LAMA4: variants seen among roughly 807,000 people sequenced by gnomAD.
The protein encoded by LAMA4 is laminin subunit alpha 4.
In LAMA4, 127 loss-of-function variants were observed where a neutral mutation model predicts 207.1. The observed-to-expected ratio is 0.61, with a 90% confidence interval of 0.53 to 0.71. The LOEUF is 0.71. LAMA4 is among the 30% of genes least tolerant of loss of function. The pLI is 0.00. For synonymous variants in LAMA4, 761 were observed against 816.0 expected (o/e 0.93, Z 1.15); for missense variants, 2,093 against 2,246.5 (o/e 0.93, Z 1.38).
chr6:112,224,511 T>G (rs1554361745), intron 2 of LAMA4, among the ~76,000 whole-genome samples: 2 of 152,176 alleles, frequency 1.3e-5, no homozygotes, highest in Non-Finnish European at 1.5e-5. Context: ...AAAGATGGAA[T>G]TCCAGTACTT....
chr6:112,144,956 A>G (rs782090758), intron 18 of LAMA4, 23 bp from the exon 19 acceptor site: 4 of 1,587,310 alleles, frequency 2.5e-6, no homozygotes, highest in African/African-American at 1.4e-5. Flanking sequence ...AAAATTAATC[A>G]TTTAAGAAAA....
At chr6:112,248,277 G>A (rs1287302841) in intron 2 of LAMA4, among the ~76,000 whole-genome samples, 1 of 152,054 alleles carries the variant, frequency 6.6e-6, no homozygotes, top group Non-Finnish European at 1.5e-5. Context: ...GAGGCAGGCA[G>A]ATCACAAGGT....
intron 6 of LAMA4, among the ~76,000 whole-genome samples, chr6:112,189,544 C>T (rs1276687279): frequency 6.6e-6 from 1 of 152,152 alleles, no homozygotes; most frequent in Non-Finnish European, 1.5e-5. Flanking sequence ...TAAATGACCA[C>T]GAGCTCATCA....
intron 26 of LAMA4, among the ~76,000 whole-genome samples, 186 bp from the exon 27 acceptor site, chr6:112,133,673 C>T (rs962957859): frequency 1.2e-4 from 18 of 152,164 alleles, no homozygotes; most frequent in African/African-American, 1.9e-4. Context: ...TTTTGTTCTA[C>T]GTCAAGCCAA....
In LAMA4 at chr6:112,113,131, A is replaced by T. The variant is rs958587622; in HGVS notation, c.5326+945T>A. Among the ~76,000 whole-genome samples, 18 of 152,334 alleles carry T rather than the reference A, an allele frequency of 1.2e-4. 1 individual carries two copies. Among genetic ancestry groups the T allele is most frequent in the African/African-American group, 4.1e-4 (17 of 41,572 alleles). On this transcript the variant is annotated intron_variant, in intron 38 of 38. Coordinates refer to ENST00000230538, the MANE Select transcript of LAMA4 (RefSeq NM_001105206.3). ...TACAATAGGGAAATTATAGTTAAGG[A>T]TAATTTATTGTGCATTTCAAAATAG...
chr6:112,160,228 T>C (rs1211428705), intron 13 of LAMA4, among the ~76,000 whole-genome samples: 3 of 152,190 alleles, frequency 2.0e-5, no homozygotes, highest in African/African-American at 7.2e-5. Flanking sequence ...CCCCAGCTTT[T>C]TGCAACCAGC....
At chr6:112,134,947 A>T (rs720179) in intron 25 of LAMA4, among the ~76,000 whole-genome samples, 77,183 of 149,662 alleles carry the variant, frequency 0.52, 20,320 homozygotes, top group East Asian at 0.74. Flanking sequence ...CTTTTTTTTT[A>T]AAAAAACAAC....
chr6:112,220,166 A>G (rs1554360100), intron 2 of LAMA4, among the ~76,000 whole-genome samples: 6 of 152,180 alleles, frequency 3.9e-5, no homozygotes, highest in Non-Finnish European at 5.9e-5. Flanking sequence ...ACTTTTAAAA[A>G]TATTTATTTT....
intron 31 of LAMA4, among the ~76,000 whole-genome samples, chr6:112,125,249 A>G (rs1006220412): frequency 1.3e-5 from 2 of 152,104 alleles, no homozygotes; most frequent in Admixed American, 1.3e-4. Flanking sequence ...TCCTCTGTGT[A>G]TAATTAACAT....
At chr6:112,145,688 C>T (rs544982461) in intron 18 of LAMA4, among the ~76,000 whole-genome samples, 1 of 152,254 alleles carries the variant, frequency 6.6e-6, no homozygotes, top group Non-Finnish European at 1.5e-5. Context: ...AACCTGACCC[C>T]GAGCATGACA....
Position 112,178,369 on chromosome 6 carries a change from A to C in LAMA4, c.1078-137T>G, listed in dbSNP as rs1322814253. On this transcript the variant is annotated intron_variant, in intron 9 of 38. Coordinates refer to ENST00000230538, the MANE Select transcript of LAMA4 (RefSeq NM_001105206.3). ...CATGTGAAAGTTCTATAACACATGA[A>C]ATCATCCCAAAAATAATGCATGAAA... 45 of 689,656 alleles carry C rather than the reference A, an allele frequency of 6.5e-5. 1 individual carries two copies. Among genetic ancestry groups the C allele is most frequent in the South Asian group, 2.6e-4 (16 of 60,886 alleles). The allele number at this position is 689,656 out of a possible 1,614,324, so 42.7% of individuals were successfully genotyped here.
intron 2 of LAMA4, among the ~76,000 whole-genome samples, chr6:112,231,573 A>G (rs1388371222): frequency 2.6e-5 from 4 of 152,236 alleles, no homozygotes; most frequent in Non-Finnish European, 5.9e-5. Flanking sequence ...AGCCAGTCGT[A>G]TGACATCCAG....
At chr6:112,253,697 T>G in intron 2 of LAMA4, 6 of 1,568,464 alleles carry the variant, frequency 3.8e-6, no homozygotes, top group Non-Finnish European at 5.3e-6. Context: ...GTCTAGCGGA[T>G]GAACTCAGAG....
At chr6:112,186,683 A>C in intron 8 of LAMA4, 1 of 423,886 alleles carries the variant, frequency 2.4e-6, no homozygotes, top group Admixed American at 2.7e-5. Flanking sequence ...ACCACTTATA[A>C]TACTAACACA....
intron 16 of LAMA4, 134 bp from the exon 17 acceptor site, chr6:112,150,761 A>G: frequency 2.7e-6 from 2 of 729,988 alleles, no homozygotes; most frequent in Admixed American, 1.9e-5. Flanking sequence ...TACTCTGAAC[A>G]TAGATCAACA....
chr6:112,204,538 CACA>C (rs10585917), intron 4 of LAMA4, among the ~76,000 whole-genome samples: 8,304 of 150,936 alleles, frequency 0.055, 717 homozygotes, highest in African/African-American at 0.19. Context: ...GATGAGGCTA[CACA>C]ACATGTTTAT....
intron 14 of LAMA4, 38 bp from the exon 15 acceptor site, chr6:112,155,744 C>T: frequency 6.2e-7 from 1 of 1,609,336 alleles, no homozygotes; most frequent in Non-Finnish European, 8.5e-7. Context: ...TCCTTCTTAC[C>T]TTCTTGGGGA....
chr6:112,225,807 TG>T (rs1785177650), intron 2 of LAMA4, among the ~76,000 whole-genome samples: 1 of 152,248 alleles, frequency 6.6e-6, no homozygotes, highest in African/African-American at 2.4e-5. Flanking sequence ...CCACAGCAAC[TG>T]CTTAGACCTT....
At chr6:112,192,242 C>T (rs1169973489) in intron 5 of LAMA4, among the ~76,000 whole-genome samples, 1 of 152,226 alleles carries the variant, frequency 6.6e-6, no homozygotes, top group Non-Finnish European at 1.5e-5. Flanking sequence ...TTAATAGCAC[C>T]TCTATTGAGA....
Sources: gnomAD v4.1 joint callset for allele counts (sites outside exome capture counted in the v4.1 genomes callset) on GRCh38, gnomAD v4.1.1 for gene constraint, MANE v1.5 for transcripts, NCBI Gene and HGNC (gene_info 2026-07-23, HGNC 2026-07-21) for gene names.